TMEM132D: variants seen among roughly 807,000 people sequenced by gnomAD.
The protein encoded by TMEM132D is transmembrane protein 132D.
A neutral mutation model predicts 62.3 loss-of-function variants in TMEM132D; 21 were observed. The ratio of observed to expected loss-of-function variants is 0.34; its 90% CI spans 0.24 to 0.49. TMEM132D has a LOEUF of 0.49. Ranked by LOEUF, TMEM132D falls within the 20% of genes least tolerant of loss-of-function variation. The pLI, the probability that TMEM132D is intolerant of heterozygous loss-of-function variation, is 0.99. For missense variants in TMEM132D, 1,346 were observed against 1,402.8 expected, an observed-to-expected ratio of 0.96 and a Z score of 0.65; for synonymous variants, 621 against 575.6, an observed-to-expected ratio of 1.08 and a Z score of -1.13.
chr12:129,367,262 C>A (rs1218796591), intron 3 of TMEM132D, among the ~76,000 whole-genome samples: 1 of 152,194 alleles, frequency 6.6e-6, no homozygotes, highest in East Asian at 1.9e-4. Context: ...CATTATCTGT[C>A]TGTCTGTCTA....
At chr12:129,584,364 C>T (rs977731929) in intron 2 of TMEM132D, among the ~76,000 whole-genome samples, 27 of 152,210 alleles carry the variant, frequency 1.8e-4, no homozygotes, top group African/African-American at 6.3e-4. Context: ...CATACTGCTT[C>T]TTGCTTAAAA....
chr12:129,409,036 G>A (rs566454496), intron 3 of TMEM132D, among the ~76,000 whole-genome samples: 36 of 152,122 alleles, frequency 2.4e-4, no homozygotes, highest in African/African-American at 8.2e-4. Context: ...GGGTTCCAGC[G>A]ATTCTTTTGC....
In TMEM132D at chr12:129,265,520, A is replaced by T. The variant is rs573688545; in HGVS notation, c.1300-55857T>A. ...GCACTTCCTCACCCACACCCTCTCC[A>T]TTGCCCTGGGGGTAAGCCCCGGTGT... is the stretch of plus-strand genomic sequence containing the variant. On this transcript the variant is annotated intron_variant, in intron 4 of 8. Transcript: ENST00000422113. 3.3e-5 allele frequency among the ~76,000 whole-genome samples: 5 copies of T among 152,070 alleles called. No individual in the cohort carries two copies. The South Asian group carries it at 1.0e-3, about 32-fold the overall frequency.
intron 1 of TMEM132D, among the ~76,000 whole-genome samples, chr12:129,833,820 G>GTGTC (rs1287579222): frequency 2.2e-4 from 33 of 152,252 alleles, no homozygotes; most frequent in African/African-American, 7.2e-4. Flanking sequence ...CAGTCTACAG[G>GTGTC]AAACTCCTCT....
chr12:129,597,410 T>C (rs971454956), intron 2 of TMEM132D, among the ~76,000 whole-genome samples: 14 of 152,108 alleles, frequency 9.2e-5, no homozygotes, highest in Non-Finnish European at 2.1e-4. Flanking sequence ...TTTCCTATAA[T>C]GAACACCCCA....
At chr12:129,586,998 G>T (rs1878048844) in intron 2 of TMEM132D, among the ~76,000 whole-genome samples, 1 of 152,020 alleles carries the variant, frequency 6.6e-6, no homozygotes, top group Non-Finnish European at 1.5e-5. Flanking sequence ...AGGTGTAAAG[G>T]CCATAAAATA....
chr12:129,100,558 C>A (rs530992332), intron 5 of TMEM132D, among the ~76,000 whole-genome samples: 1 of 152,120 alleles, frequency 6.6e-6, no homozygotes, highest in Non-Finnish European at 1.5e-5. Flanking sequence ...TCTGTCTTTC[C>A]GAGGACAAAG....
At chr12:129,875,368 G>A (rs1464672250) in intron 1 of TMEM132D, among the ~76,000 whole-genome samples, 3 of 152,222 alleles carry the variant, frequency 2.0e-5, no homozygotes, top group Non-Finnish European at 4.4e-5. Flanking sequence ...CAGTGGCTTA[G>A]AAACAACAGA....
chr12:129,712,147 T>C (rs1453816259), intron 1 of TMEM132D, among the ~76,000 whole-genome samples: 1 of 152,104 alleles, frequency 6.6e-6, no homozygotes, highest in African/African-American at 2.4e-5. Context: ...TTTTTTGAGA[T>C]GGAGTCTCAC....
At chr12:129,555,950 G>T (rs925987910) in intron 2 of TMEM132D, among the ~76,000 whole-genome samples, 1 of 152,138 alleles carries the variant, frequency 6.6e-6, no homozygotes, top group Non-Finnish European at 1.5e-5. Context: ...GTATGAGAAA[G>T]CTGGACATAC....
At chr12:129,776,678 C>T (rs988975208) in intron 1 of TMEM132D, among the ~76,000 whole-genome samples, 11 of 116,920 alleles carry the variant, frequency 9.4e-5, no homozygotes, top group East Asian at 3.2e-4. Flanking sequence ...ACTTCAGCAA[C>T]GAAAGACTGT....
intron 3 of TMEM132D, among the ~76,000 whole-genome samples, chr12:129,418,569 G>C (rs1261364868): frequency 6.6e-6 from 1 of 152,074 alleles, no homozygotes; most frequent in African/African-American, 2.4e-5. Flanking sequence ...GGTGGGTGGG[G>C]GACAAGGGGA....
intron 2 of TMEM132D, among the ~76,000 whole-genome samples, chr12:129,623,551 A>C (rs1213578766): frequency 6.6e-6 from 1 of 152,036 alleles, no homozygotes; most frequent in Non-Finnish European, 1.5e-5. Flanking sequence ...TTCTTCACTC[A>C]GGATAATGGT....
intron 4 of TMEM132D, among the ~76,000 whole-genome samples, chr12:129,228,028 C>T (rs1333915894): frequency 6.6e-6 from 1 of 152,184 alleles, no homozygotes; most frequent in Non-Finnish European, 1.5e-5. Flanking sequence ...GACATCGACG[C>T]TGTGTACAAG....
In TMEM132D at chr12:129,693,832, C is replaced by T. The variant is rs76923227; in HGVS notation, c.968+5978G>A. Among the ~76,000 whole-genome samples the T allele has an allele frequency of 5.0e-4, 76 of 151,804 alleles. No individual in the cohort carries two copies. In the East Asian group the frequency reaches 0.014, roughly 28 times the overall value. On this transcript the variant is annotated intron_variant, in intron 2 of 8. Transcript: ENST00000422113. ...AGATTTCGGACGCTAATGAGACATG[C>T]GATGTATGCGACGTATGAACAAGCT...
intron 4 of TMEM132D, among the ~76,000 whole-genome samples, chr12:129,296,849 A>C (rs1013983294): frequency 2.6e-5 from 4 of 152,176 alleles, no homozygotes; most frequent in Non-Finnish European, 5.9e-5. Flanking sequence ...ATACACTACC[A>C]AGCTCATTAG....
At chr12:129,702,739 G>T (rs922932499) in intron 1 of TMEM132D, among the ~76,000 whole-genome samples, 1 of 152,188 alleles carries the variant, frequency 6.6e-6, no homozygotes, top group Non-Finnish European at 1.5e-5. Flanking sequence ...TTTTTTCTCT[G>T]CTGTATTCAC....
At chr12:129,651,439 C>T (rs762174715) in intron 2 of TMEM132D, among the ~76,000 whole-genome samples, 5 of 152,036 alleles carry the variant, frequency 3.3e-5, no homozygotes, top group East Asian at 1.9e-4. Flanking sequence ...CTCTCCAATG[C>T]GGGAATGGAG....
chr12:129,584,848 A>G (rs572311549), intron 2 of TMEM132D, among the ~76,000 whole-genome samples: 1 of 152,266 alleles, frequency 6.6e-6, no homozygotes, highest in African/African-American at 2.4e-5. Context: ...ACGGCTCCAC[A>G]TGTGTTCATA....
Sources: gnomAD v4.1 joint callset for allele counts (sites outside exome capture counted in the v4.1 genomes callset) on GRCh38, gnomAD v4.1.1 for gene constraint, MANE v1.5 for transcripts, NCBI Gene and HGNC (gene_info 2026-07-23, HGNC 2026-07-21) for gene names.